Variants in LRP1B observed in about 807,000 individuals in gnomAD.
LRP1B encodes LDL receptor related protein 1B, also known as low-density lipoprotein receptor-related protein 1B.
A neutral mutation model predicts 556.6 loss-of-function variants in LRP1B; 217 were observed. The observed-to-expected ratio is 0.39, with a 90% CI of 0.35 to 0.44. The LOEUF is 0.44. LRP1B is among the 20% of genes least tolerant of loss of function. The probability of loss-of-function intolerance (pLI) is 1.00; values close to 1 mark genes in which losing one functional copy is unlikely to be tolerated. For missense variants in LRP1B, 5,053 were observed against 5,620.8 expected, an observed-to-expected ratio of 0.90 and a Z score of 3.23; for synonymous variants, 2,047 against 1,865.8, an observed-to-expected ratio of 1.10 and a Z score of -2.50.
chr2:140,706,172 G>A (rs1686830240), intron 37 of LRP1B, among the ~76,000 whole-genome samples: 1 of 152,062 alleles, frequency 6.6e-6, no homozygotes, highest in South Asian at 2.1e-4. Context: ...TTTGTCCCTG[G>A]TTTTTGACCA....
At chr2:140,655,032 G>GTATGTATATATATATA (rs1684827845) in intron 41 of LRP1B, among the ~76,000 whole-genome samples, 3 of 147,094 alleles carry the variant, frequency 2.0e-5, no homozygotes, top group Non-Finnish European at 4.5e-5. Context: ...GTATATGTAT[G>GTATGTATATATATATA]TATATATATA....
chr2:142,100,298 A>G (rs1275052486), intron 1 of LRP1B, among the ~76,000 whole-genome samples: 3 of 151,932 alleles, frequency 2.0e-5, no homozygotes, highest in Admixed American at 6.6e-5. Context: ...CCAATGCTCT[A>G]TGAAGTTACC....
intron 83 of LRP1B, among the ~76,000 whole-genome samples, chr2:140,299,263 C>T (rs746092883): frequency 2.6e-5 from 4 of 151,980 alleles, no homozygotes; most frequent in African/African-American, 9.7e-5. Flanking sequence ...AAATAAAATT[C>T]ATATACATTT....
At chr2:141,524,263 A>AATATATATATATATATATATATATATAT (rs76874852) in intron 2 of LRP1B, among the ~76,000 whole-genome samples, 18 of 148,112 alleles carry the variant, frequency 1.2e-4, no homozygotes, top group Admixed American at 3.4e-4. Flanking sequence ...ATAAGCAAAG[A>AATATATATATATATATATATATATATAT]ATATATATAT....
intron 3 of LRP1B, among the ~76,000 whole-genome samples, chr2:141,375,815 G>T (rs1343369751): frequency 1.3e-5 from 2 of 152,168 alleles, no homozygotes; most frequent in Non-Finnish European, 2.9e-5. Flanking sequence ...GCAGACCACT[G>T]TGGGGCAGTG....
At chr2:140,960,634 A>G (rs972444037) in intron 18 of LRP1B, among the ~76,000 whole-genome samples, 2 of 151,966 alleles carry the variant, frequency 1.3e-5, no homozygotes, top group Admixed American at 1.3e-4. Context: ...GTAAGGCAGT[A>G]TTACTAAACC....
At chr2:141,767,669 A>C (rs913739050) in intron 2 of LRP1B, among the ~76,000 whole-genome samples, 1 of 152,166 alleles carries the variant, frequency 6.6e-6, no homozygotes, top group South Asian at 2.1e-4. Flanking sequence ...TGTTTGGATA[A>C]CAGTGTGAGT....
intron 18 of LRP1B, among the ~76,000 whole-genome samples, chr2:140,966,951 T>C (rs1298169941): frequency 6.6e-6 from 1 of 152,154 alleles, no homozygotes; most frequent in East Asian, 1.9e-4. Flanking sequence ...TGTAGACTTG[T>C]AGTATAGTTT....
Position 140,261,275 on chromosome 2 carries a change from T to C in LRP1B, c.13247+8967A>G, listed in dbSNP as rs368594175. On this transcript the variant is annotated intron_variant, in intron 86 of 90. Coordinates refer to ENST00000389484, the MANE Select transcript of LRP1B (RefSeq NM_018557.3). Reference sequence around the variant, plus strand: ...ACAAAGTCCAAATATAACTCACATTTAAATATATGAACCTCATAGTTTTAT... The same window carrying C: ...ACAAAGTCCAAATATAACTCACATTCAAATATATGAACCTCATAGTTTTAT... Among the ~76,000 whole-genome samples the C allele has an allele frequency of 4.6e-5, 7 of 152,034 alleles. No homozygotes were observed. The East Asian group carries it at 7.7e-4, about 17-fold the overall frequency.
intron 41 of LRP1B, among the ~76,000 whole-genome samples, chr2:140,607,632 TACAC>T (rs3061367): frequency 0.3 from 42,183 of 142,946 alleles, 6,482 homozygotes; most frequent in Middle Eastern, 0.47. Context: ...CCCCTCTCTT[TACAC>T]ACACACACAC....
At chr2:140,467,286 A>T (rs1687584510) in intron 60 of LRP1B, among the ~76,000 whole-genome samples, 1 of 152,066 alleles carries the variant, frequency 6.6e-6, no homozygotes, top group Middle Eastern at 3.2e-3. Flanking sequence ...CCCAAAATTC[A>T]TATGTTGACA....
intron 1 of LRP1B, among the ~76,000 whole-genome samples, chr2:141,963,516 A>C (rs1182264133): frequency 3.3e-5 from 5 of 151,882 alleles, no homozygotes; most frequent in Non-Finnish European, 7.4e-5. Context: ...CAATAGATGC[A>C]GAAAAAGCCT....
At chr2:140,960,323 T>C (rs1484622572) in intron 18 of LRP1B, among the ~76,000 whole-genome samples, 1 of 151,844 alleles carries the variant, frequency 6.6e-6, no homozygotes, top group Non-Finnish European at 1.5e-5. Context: ...TATAAATGGT[T>C]TCTAAGAATT....
chr2:141,096,691 A>AGAGAGAGAGAGAGAGAGAGAGAGAG (rs1372627134), intron 7 of LRP1B, among the ~76,000 whole-genome samples: 2 of 103,428 alleles, frequency 1.9e-5, no homozygotes, highest in Non-Finnish European at 4.1e-5. Flanking sequence ...AGAGAGAGAG[A>AGAGAGAGAGAGAGAGAGAGAGAGAG]AAATAAATAA....
At chr2:140,665,913 T>A (rs1192384780) in intron 41 of LRP1B, among the ~76,000 whole-genome samples, 1 of 152,016 alleles carries the variant, frequency 6.6e-6, no homozygotes, top group African/African-American at 2.4e-5. Flanking sequence ...TTTCCTTAAG[T>A]CTTAGAGATT....
chr2:140,826,049 T>C (rs1362452950), intron 31 of LRP1B, among the ~76,000 whole-genome samples: 4 of 152,192 alleles, frequency 2.6e-5, no homozygotes, highest in Non-Finnish European at 5.9e-5. Context: ...TGAACAGAAT[T>C]GAGGTTTCCC....
At chr2:140,836,691 A>T (rs564868309) in intron 31 of LRP1B, among the ~76,000 whole-genome samples, 23 of 152,318 alleles carry the variant, frequency 1.5e-4, no homozygotes, top group African/African-American at 3.6e-4. Context: ...TCTGGGGCAG[A>T]CAGAGATGTG....
intron 29 of LRP1B, among the ~76,000 whole-genome samples, chr2:140,842,896 T>C (rs1202980724): frequency 6.6e-6 from 1 of 152,050 alleles, no homozygotes; most frequent in Non-Finnish European, 1.5e-5. Flanking sequence ...ATGAATATTA[T>C]AATACATTAG....
intron 53 of LRP1B, among the ~76,000 whole-genome samples, chr2:140,504,618 C>A (rs1396779190): frequency 6.6e-6 from 1 of 152,144 alleles, no homozygotes; most frequent in Non-Finnish European, 1.5e-5. Context: ...ACAATAAAGT[C>A]TTTATTACAT....
Sources: gnomAD v4.1 joint callset for allele counts (sites outside exome capture counted in the v4.1 genomes callset) on GRCh38, gnomAD v4.1.1 for gene constraint, MANE v1.5 for transcripts, NCBI Gene and HGNC (gene_info 2026-07-23, HGNC 2026-07-21) for gene names.